LDB2: variants seen among roughly 807,000 people sequenced by gnomAD.
LDB2 encodes LIM domain-binding protein 2.
Under a neutral mutation model 44.3 loss-of-function variants are expected in LDB2, and 12 were observed. The ratio of observed to expected loss-of-function variants is 0.27; its 90% CI spans 0.17 to 0.44. The LOEUF (loss-of-function observed/expected upper bound fraction) is 0.44, where lower values mean the gene tolerates loss of function less well. Among genes scored for constraint, LDB2 ranks in the 20% least tolerant of loss-of-function variants. The pLI, the probability that LDB2 is intolerant of heterozygous loss-of-function variation, is 1.00. For synonymous variants in LDB2, 164 were observed against 174.8 expected (o/e 0.94, Z 0.49); for missense variants, 344 against 473.5 (o/e 0.73, Z 2.54).
At chr4:16,800,974 C>T (rs112870224) in intron 1 of LDB2, among the ~76,000 whole-genome samples, 16 of 152,310 alleles carry the variant, frequency 1.1e-4, no homozygotes, top group Admixed American at 4.6e-4. Flanking sequence ...CGCGCCCGGC[C>T]GGAAGACATT....
chr4:16,834,281 G>A (rs1252716350), intron 1 of LDB2, among the ~76,000 whole-genome samples: 1 of 152,188 alleles, frequency 6.6e-6, no homozygotes, highest in African/African-American at 2.4e-5. Context: ...ACAAGCTTAA[G>A]CATTTGGTCT....
intron 1 of LDB2, among the ~76,000 whole-genome samples, chr4:16,869,731 G>C (rs1231104324): frequency 6.6e-6 from 1 of 152,170 alleles, no homozygotes. Context: ...CAAAAGTACA[G>C]TTCACGTGCT....
intron 1 of LDB2, among the ~76,000 whole-genome samples, chr4:16,839,638 G>T (rs1785511796): frequency 6.6e-6 from 1 of 152,110 alleles, no homozygotes; most frequent in Non-Finnish European, 1.5e-5. Context: ...CAAGAGTTAA[G>T]GAATTTGCCC....
intron 1 of LDB2, among the ~76,000 whole-genome samples, chr4:16,867,485 T>C (rs1244262479): frequency 2.0e-5 from 3 of 152,160 alleles, no homozygotes; most frequent in African/African-American, 7.2e-5. Context: ...ATACCGGTTA[T>C]AGAACATTAT....
intron 1 of LDB2, among the ~76,000 whole-genome samples, chr4:16,882,527 T>C (rs546844098): frequency 1.3e-5 from 2 of 152,172 alleles, no homozygotes; most frequent in Non-Finnish European, 2.9e-5. Context: ...TAAGGGTATC[T>C]GGTATCCCTT....
At chr4:16,822,188 G>T (rs541713981) in intron 1 of LDB2, among the ~76,000 whole-genome samples, 9 of 152,020 alleles carry the variant, frequency 5.9e-5, no homozygotes, top group African/African-American at 1.9e-4. Flanking sequence ...TGTGTCTAGG[G>T]TCTGCCACCA....
chr4:16,556,255 G>A (rs938082332), intron 5 of LDB2, among the ~76,000 whole-genome samples: 3 of 152,166 alleles, frequency 2.0e-5, no homozygotes, highest in African/African-American at 4.8e-5. Flanking sequence ...TTTTGCATAT[G>A]TTTATATTTC....
At chr4:16,802,640 G>A (rs1174410450) in intron 1 of LDB2, among the ~76,000 whole-genome samples, 1 of 152,096 alleles carries the variant, frequency 6.6e-6, no homozygotes, top group Non-Finnish European at 1.5e-5. Flanking sequence ...TCCTCCACAG[G>A]CCTATGTGAC....
intron 2 of LDB2, chr4:16,651,253 T>C (rs1738191289): frequency 6.6e-6 from 1 of 152,180 alleles, no homozygotes; most frequent in African/African-American, 2.4e-5. Context: ...AGGAGGCTAG[T>C]GTTAGAAGCA....
intron 3 of LDB2, among the ~76,000 whole-genome samples, chr4:16,591,004 T>G (rs1718738734): frequency 1.3e-5 from 2 of 152,156 alleles, no homozygotes; most frequent in Non-Finnish European, 2.9e-5. Context: ...TGGTGACAGC[T>G]TTCACAAAAG....
At chr4:16,561,533 G>A in intron 5 of LDB2, among the ~76,000 whole-genome samples, 1 of 152,102 alleles carries the variant, frequency 6.6e-6, no homozygotes, top group East Asian at 1.9e-4. Flanking sequence ...ACCTCTTCAA[G>A]GAGAACTACA....
chr4:16,532,777 C>A (rs1417265663), intron 5 of LDB2, among the ~76,000 whole-genome samples: 1 of 152,162 alleles, frequency 6.6e-6, no homozygotes, highest in Non-Finnish European at 1.5e-5. Context: ...TGCAGGAAAT[C>A]ATCTACTGTG....
chr4:16,847,908 G>A lies in LDB2; in HGVS notation c.132+50446C>T, dbSNP rs559307829. On this transcript the variant is annotated intron_variant, in intron 1 of 7. Transcript: ENST00000304523. ...TGGGATTACAGGCGTGAGCCACCGC[G>A]CCCAGCCTAACACATTTTTTAAAGT... 7.2e-5 allele frequency among the ~76,000 whole-genome samples: 11 copies of A among 152,280 alleles called. No individual in the cohort carries two copies. The East Asian group carries it at 1.4e-3, about 19-fold the overall frequency.
intron 2 of LDB2, among the ~76,000 whole-genome samples, chr4:16,704,003 C>A (rs924164710): frequency 6.6e-6 from 1 of 152,120 alleles, no homozygotes; most frequent in Non-Finnish European, 1.5e-5. Flanking sequence ...GGACTGTTAT[C>A]GGGTGCCCCT....
At chr4:16,733,240 C>A (rs1298414505) in intron 2 of LDB2, among the ~76,000 whole-genome samples, 3 of 152,024 alleles carry the variant, frequency 2.0e-5, no homozygotes, top group African/African-American at 7.2e-5. Context: ...TCCAACCTAG[C>A]CACTCATGAT....
intron 7 of LDB2, 179 bp from the exon 8 acceptor site, chr4:16,503,052 G>A (rs1717942210): frequency 6.5e-7 from 1 of 1,540,506 alleles, no homozygotes; most frequent in Non-Finnish European, 8.7e-7. Flanking sequence ...AATAAACATC[G>A]CCTCCTGATG....
At chr4:16,784,474 C>T (rs551307841) in intron 1 of LDB2, among the ~76,000 whole-genome samples, 2 of 152,286 alleles carry the variant, frequency 1.3e-5, no homozygotes, top group Admixed American at 1.3e-4. Flanking sequence ...AGAGGCTGGT[C>T]CCAAGCATGA....
chr4:16,859,373 T>C (rs1243507497), intron 1 of LDB2, among the ~76,000 whole-genome samples: 1 of 152,234 alleles, frequency 6.6e-6, no homozygotes, highest in Non-Finnish European at 1.5e-5. Context: ...TTCAATCACG[T>C]GCACCTTAAT....
rs1331000539 is a variant in LDB2, at chr4:16,511,928, G to A, written c.739+53C>T. On this transcript the variant is annotated intron_variant, in intron 6 of 7. Transcript: ENST00000304523. Reference sequence around the variant, plus strand: ...TTCTTTTTCACATCACTTCATCCCTGGAAGACACCTCTGAAAACGTGTTTA... The same window carrying A: ...TTCTTTTTCACATCACTTCATCCCTAGAAGACACCTCTGAAAACGTGTTTA... The A allele has an allele frequency of 3.1e-5, 49 of 1,564,212 alleles. No homozygotes were observed. The South Asian group carries it at 5.0e-4, about 16-fold the overall frequency.
Sources: allele counts gnomAD v4.1 joint callset (sites outside exome capture counted in the v4.1 genomes callset), GRCh38; gene constraint gnomAD v4.1.1; transcripts MANE v1.5; gene names NCBI Gene and HGNC (gene_info 2026-07-23, HGNC 2026-07-21).